Variants in NPEPPS observed in about 807,000 individuals in gnomAD.
NPEPPS encodes the protein aminopeptidase puromycin sensitive.
NPEPPS carries 14 observed loss-of-function variants against 115.5 expected under a neutral mutation model. The observed-to-expected ratio is 0.12, with a 90% CI of 0.08 to 0.19. The LOEUF is 0.19. Ranked by LOEUF, NPEPPS falls within the 10% of genes least tolerant of loss-of-function variation. NPEPPS has a pLI of 1.00. For synonymous variants in NPEPPS, 285 were observed against 390.6 expected (o/e 0.73, Z 3.19); for missense variants, 523 against 1,110.8 (o/e 0.47, Z 7.52).
chr17:47,532,971 C>G (rs1347850057), intron 1 of NPEPPS, among the ~76,000 whole-genome samples: 1 of 152,020 alleles, frequency 6.6e-6, no homozygotes, highest in Admixed American at 6.6e-5. Flanking sequence ...CTACTGCAGT[C>G]TGGGGTCGGG....
intron 2 of NPEPPS, among the ~76,000 whole-genome samples, chr17:47,556,512 C>T (rs1263856698): frequency 6.6e-6 from 1 of 152,234 alleles, no homozygotes; most frequent in African/African-American, 2.4e-5. Context: ...AATCTGATTT[C>T]TCTATCTTTT....
At chr17:47,535,536 C>T (rs1451617216) in intron 1 of NPEPPS, among the ~76,000 whole-genome samples, 4 of 132,442 alleles carry the variant, frequency 3.0e-5, no homozygotes, top group Admixed American at 8.7e-5. Context: ...GGTGACAGAG[C>T]GAGGCTCCGT....
intron 2 of NPEPPS, among the ~76,000 whole-genome samples, chr17:47,552,406 ATAGT>A (rs1437517893): frequency 6.6e-6 from 1 of 152,230 alleles, no homozygotes; most frequent in Non-Finnish European, 1.5e-5. Context: ...GGAGCAAGTG[ATAGT>A]TAGCCAGCCC....
chr17:47,530,362 T>G, upstream of NPEPPS, among the ~76,000 whole-genome samples: 1 of 138,370 alleles, frequency 7.2e-6, no homozygotes, highest in South Asian at 2.4e-4. Context: ...TTTTTTTTTT[T>G]TTTTTTTTTT....
intron 14 of NPEPPS, among the ~76,000 whole-genome samples, chr17:47,600,830 C>A (rs1234388366): frequency 1.3e-5 from 2 of 152,178 alleles, no homozygotes; most frequent in East Asian, 3.8e-4. Flanking sequence ...TAACAGCTTC[C>A]AGGTTGTATC....
intron 3 of NPEPPS, among the ~76,000 whole-genome samples, chr17:47,575,987 A>C (rs1911499197): frequency 6.6e-6 from 1 of 152,112 alleles, no homozygotes; most frequent in Non-Finnish European, 1.5e-5. Flanking sequence ...GAATGAAGTT[A>C]ATCTTTTTCA....
chr17:47,592,204 T>G, intron 11 of NPEPPS, 144 bp downstream of exon 11: 1 of 679,732 alleles, frequency 1.5e-6, no homozygotes, highest in Non-Finnish European at 2.5e-6. Context: ...AGAATGAGAA[T>G]TCAATTATTT....
intron 5 of NPEPPS, among the ~76,000 whole-genome samples, chr17:47,584,757 GC>G (rs1912082597): frequency 6.6e-6 from 1 of 152,158 alleles, no homozygotes; most frequent in African/African-American, 2.4e-5. Flanking sequence ...TAAGCTTAGA[GC>G]CAACTTTGGT....
intron 17 of NPEPPS, among the ~76,000 whole-genome samples, chr17:47,611,859 A>AG (rs1405330733): frequency 1.3e-5 from 2 of 152,160 alleles, no homozygotes; most frequent in Non-Finnish European, 2.9e-5. Context: ...GCAGTGTTTG[A>AG]GGGTTCCAAT....
intron 14 of NPEPPS, 113 bp downstream of exon 14, chr17:47,599,852 C>CGAG: frequency 2.3e-6 from 2 of 856,576 alleles, no homozygotes; most frequent in South Asian, 3.3e-5. Flanking sequence ...GAGTCTCACT[C>CGAG]TGTCGCCCAG....
intron 2 of NPEPPS, among the ~76,000 whole-genome samples, chr17:47,551,386 T>G (rs1351837088): frequency 6.6e-6 from 1 of 151,684 alleles, no homozygotes; most frequent in East Asian, 1.9e-4. Flanking sequence ...AAGTTTATTA[T>G]TTATTTGAAC....
chr17:47,571,881 CCCA>C (rs1231674738), intron 3 of NPEPPS, among the ~76,000 whole-genome samples: 1 of 152,004 alleles, frequency 6.6e-6, no homozygotes, highest in Non-Finnish European at 1.5e-5. Flanking sequence ...TATAATTTAA[CCCA>C]CAAATAGGAT....
chr17:47,533,572 A>G (rs1187135618), intron 1 of NPEPPS, among the ~76,000 whole-genome samples: 2 of 152,196 alleles, frequency 1.3e-5, no homozygotes, highest in African/African-American at 4.8e-5. Flanking sequence ...TTGGAGGCAA[A>G]CATATTTTGG....
intron 3 of NPEPPS, among the ~76,000 whole-genome samples, chr17:47,578,521 A>G (rs11079782): frequency 1.3e-5 from 2 of 151,636 alleles, no homozygotes. Context: ...CTAGATAATA[A>G]TTATAATTTT....
chr17:47,563,142 C>T (rs1910554865), intron 2 of NPEPPS, among the ~76,000 whole-genome samples: 1 of 151,980 alleles, frequency 6.6e-6, no homozygotes. Flanking sequence ...AGCGATTCTC[C>T]TGCCTCAGCC....
intron 22 of NPEPPS, chr17:47,620,247 T>C (rs1188221079): frequency 1.4e-5 from 2 of 142,476 alleles, no homozygotes; most frequent in African/African-American, 5.3e-5. Context: ...GTCCTAAAAA[T>C]GGAAAGCCTT....
chr17:47,538,887 C>T (rs1908544904), intron 1 of NPEPPS, among the ~76,000 whole-genome samples: 1 of 152,102 alleles, frequency 6.6e-6, no homozygotes, highest in Admixed American at 6.6e-5. Flanking sequence ...CTTCTTGCTG[C>T]TTATTGTGCC....
Position 47,569,406 on chromosome 17 carries a change from T to C in NPEPPS, c.341-11T>C. The stretch of plus-strand genomic sequence containing the variant: ...GTCAGAATTGTAAAGTAATTTTTTT[T>C]CTCATTCCAGAAATACATGCTACAG... On this transcript the variant is annotated splice_polypyrimidine_tract_variant and intron_variant, in intron 2 of 22. Transcript: ENST00000322157. 5 of 1,521,982 alleles carry C rather than the reference T, an allele frequency of 3.3e-6. No individual in the cohort carries two copies. Among genetic ancestry groups the C allele is most frequent in the Non-Finnish European group, 4.5e-6 (5 of 1,101,726 alleles). 94.3% of individuals were successfully genotyped at this position (1,521,982 alleles called of 1,614,324 possible).
upstream of NPEPPS, among the ~76,000 whole-genome samples, chr17:47,527,586 G>A (rs1309527737): frequency 2.7e-5 from 4 of 149,948 alleles, no homozygotes; most frequent in African/African-American, 9.8e-5. Context: ...GGCTGGGCGT[G>A]GTGGTTCATG....
Sources: allele counts gnomAD v4.1 joint callset (sites outside exome capture counted in the v4.1 genomes callset), GRCh38; gene constraint gnomAD v4.1.1; transcripts MANE v1.5; gene names NCBI Gene and HGNC (gene_info 2026-07-23, HGNC 2026-07-21).